The following DPEP2 variants were observed in gnomAD, a reference collection of about 807,000 sequenced individuals.
DPEP2 encodes the protein dipeptidase 2.
A neutral mutation model predicts 51.8 loss-of-function variants in DPEP2; 45 were observed. The observed-to-expected ratio is 0.87, with a 90% CI of 0.68 to 1.11. The LOEUF is 1.11. Among genes scored for constraint, DPEP2 ranks in the 50% most tolerant of loss-of-function variants. The pLI is 0.00. For missense variants in DPEP2, 604 were observed against 631.9 expected (o/e 0.96, Z 0.47); for synonymous variants, 255 against 262.7 (o/e 0.97, Z 0.28).
chr16:67,995,885 AC>A (rs1305377762), intron 1 of DPEP2, among the ~76,000 whole-genome samples: 1 of 152,044 alleles, frequency 6.6e-6, no homozygotes, highest in East Asian at 1.9e-4. Flanking sequence ...AATCGTTTCA[AC>A]CCAGGAGGCA....
intron 1 of DPEP2, chr16:67,994,242 G>A (rs1236283757): frequency 2.2e-5 from 22 of 985,576 alleles, no homozygotes; most frequent in Non-Finnish European, 2.7e-5. Context: ...CAGGTCAGGA[G>A]TAAGGGGCCT....
rs1213300901 is a variant in DPEP2 at position 67,991,679 on chromosome 16, G to GTCACC, written c.662+158_662+159insGGTGA. 2.6e-6 allele frequency: 3 copies of GTCACC among 1,146,772 alleles called. No homozygotes were observed. The highest frequency in any genetic ancestry group is 3.6e-6 in the Non-Finnish European group (3 of 835,934). 71.0% of individuals were successfully genotyped at this position (1,146,772 alleles called of 1,614,324 possible). On this transcript the variant is annotated intron_variant, in intron 5 of 10. Transcript: ENST00000393847. This position sits in a 1 kb window ranked among gnomAD's most constrained non-coding sequence, Gnocchi z 5.1. ...AGGCATGAGCCACCGCGTCTGGCCA[G>GTCACC]GGGTCAAGTCGTATTCTGAAAACCA...
chr16:67,992,200 G>C lies in DPEP2; in HGVS notation c.391-7C>G, dbSNP rs1413180898. 6.8e-6 allele frequency: 11 copies of C among 1,613,404 alleles called. No individual in the cohort carries two copies. Among genetic ancestry groups the C allele is most frequent in the Non-Finnish European group, 9.3e-6 (11 of 1,179,638 alleles). On this transcript the variant is annotated splice_region_variant and splice_polypyrimidine_tract_variant and intron_variant, in intron 3 of 10. Transcript: ENST00000393847. ...GCACATAGGCTGACCAGAACTGGGGGGAAGGCCAGGGTTTGGCTTGGATGG... is the reference window on the plus strand; with the variant it reads ...GCACATAGGCTGACCAGAACTGGGGCGAAGGCCAGGGTTTGGCTTGGATGG...
At chr16:67,993,810 T>A in intron 1 of DPEP2, 2 of 985,692 alleles carry the variant, frequency 2.0e-6, no homozygotes. Flanking sequence ...AATGAGGGGT[T>A]AACCCTGTGG....
At chr16:67,992,389 A>G in intron 3 of DPEP2, 121 bp downstream of exon 3, 2 of 1,483,872 alleles carry the variant, frequency 1.3e-6, no homozygotes, top group Non-Finnish European at 1.8e-6. Context: ...ATATCATGAC[A>G]CTTTTTGGGT....
rs534904631 is a variant in DPEP2 at position 67,988,938 on chromosome 16, A to G, written c.1070+385T>C. Among the ~76,000 whole-genome samples, 9 of 152,034 alleles carry G rather than the reference A, an allele frequency of 5.9e-5. No homozygotes were observed. The East Asian group carries it at 1.6e-3, about 27-fold the overall frequency. ...AAGAAGAAGAAGAAAAGGAAGAAAG[A>G]AGGAGGAGGAGGAGACAAAGAAGAA... On this transcript the variant is annotated intron_variant, in intron 9 of 10. Transcript: ENST00000393847.
In DPEP2 at chr16:67,992,358, C is replaced by T; in HGVS notation, c.390+152G>A. The T allele has an allele frequency of 4.9e-6, 7 of 1,430,202 alleles. No individual in the cohort carries two copies. The South Asian group carries it at 9.4e-5, about 19-fold the overall frequency. 88.6% of individuals were successfully genotyped at this position (1,430,202 alleles called of 1,614,324 possible). ...TGGCCACCAAGCTGGCTCACTGTAG[C>T]CTCTGCAGCCCCCAGCATCCATATC... On this transcript the variant is annotated intron_variant, in intron 3 of 10. Transcript: ENST00000393847.
intron 1 of DPEP2, chr16:67,993,960 C>T: frequency 1.0e-6 from 1 of 985,508 alleles, no homozygotes; most frequent in Non-Finnish European, 1.2e-6. Flanking sequence ...ACCGCACATT[C>T]TCCAATCAGC....
At chr16:67,997,676 A>C (rs951262791) in intron 1 of DPEP2, among the ~76,000 whole-genome samples, 1 of 152,160 alleles carries the variant, frequency 6.6e-6, no homozygotes, top group Non-Finnish European at 1.5e-5. Context: ...AAAATGGAAG[A>C]AATAGGTATG....
intron 1 of DPEP2, chr16:67,994,330 A>C (rs2032535410): frequency 1.0e-6 from 1 of 985,146 alleles, no homozygotes. Context: ...CTCTCACAGA[A>C]ACCTCCAGGG....
chr16:67,997,426 G>C lies in DPEP2; in HGVS notation c.-46+1949C>G, dbSNP rs917657303. ...GGCTGGAGTGCAGTGGCACAATCTC[G>C]GCTCACTGCAAGCTCCGCCTCCCGG... On this transcript the variant is annotated intron_variant, in intron 1 of 10. Transcript: ENST00000393847. Among the ~76,000 whole-genome samples, 12 of 151,702 alleles carry C rather than the reference G, an allele frequency of 7.9e-5. 1 individual carries two copies. Among genetic ancestry groups the C allele is most frequent in the Middle Eastern group, 6.3e-3 (2 of 316 alleles).
intron 1 of DPEP2, among the ~76,000 whole-genome samples, chr16:67,998,081 G>A (rs923295514): frequency 2.0e-5 from 3 of 152,024 alleles, no homozygotes; most frequent in Admixed American, 1.3e-4. Context: ...GCTCGCTCTC[G>A]GGGCCTCCTC....
Position 67,987,565 on chromosome 16 carries a change from G to A in DPEP2, c.1402C>T (p.His468Tyr), listed in dbSNP as rs1133090. ...ACAACTGCAAGGACTGGGGCCATGTGGGGGGAGGACTCTGAGACTGACCAC... is the reference window on the plus strand; with the variant it reads ...ACAACTGCAAGGACTGGGGCCATGTAGGGGGAGGACTCTGAGACTGACCAC... ...AKWSVSESSPHMAPVLAVVAT... is the reference protein window; with the variant it reads ...AKWSVSESSPYMAPVLAVVAT... Residue 468 changes from histidine to tyrosine, a missense_variant, in exon 11 of 11, where the codon CAC (histidine) becomes TAC (tyrosine). Coordinates refer to ENST00000393847, the MANE Select transcript of DPEP2 (RefSeq NM_022355.4). 1.8e-4 allele frequency: 290 copies of A among 1,614,100 alleles called. 3 individuals are homozygous for A. The highest frequency in any genetic ancestry group is 1.7e-3 in the South Asian group (151 of 91,088).
Position 67,987,948 on chromosome 16 carries a change from G to A in DPEP2, c.1110C>T (p.Val370=), listed in dbSNP as rs1186523287. The A allele has an allele frequency of 6.2e-7, 1 of 1,614,104 alleles. No individual in the cohort carries two copies. The highest frequency in any genetic ancestry group is 1.1e-5 in the South Asian group (1 of 91,080). The change falls in exon 10 of 11, where the codon GTC becomes GTT. Residue 370 remains valine (V), a synonymous_variant. Transcript: ENST00000393847. ...CACGACTCAGCAACTCCTCTATCAG[G>A]ACCGGGTATGTGGACACGTCTTCCA... ...QGLEDVSTYP[V]LIEELLSRGW...
At position 67,991,637 on chromosome 16, in the gene DPEP2, C is replaced by T. The variant is rs570821372; in HGVS notation, c.662+201G>A. 1.3e-6 allele frequency: 1 copy of T among 762,748 alleles called. No individual in the cohort carries two copies. The highest frequency in any genetic ancestry group is 1.8e-5 in the African/African-American group (1 of 57,126). 47.2% of individuals were successfully genotyped at this position (762,748 alleles called of 1,614,324 possible). A position where few individuals can be genotyped will look rare whatever the true frequency, so the allele number is the denominator to read the frequency against. On this transcript the variant is annotated intron_variant, in intron 5 of 10. Coordinates refer to ENST00000393847, the MANE Select transcript of DPEP2 (RefSeq NM_022355.4). The surrounding 1 kb of genome is among the most constrained non-coding windows in gnomAD (Gnocchi z 5.1). Reference sequence around the variant, plus strand: ...AAGTTATCTGTCCGCCTCAGCCTCCCAAAGTTTTGGGATTACAGGCATGAG... The same window carrying T: ...AAGTTATCTGTCCGCCTCAGCCTCCTAAAGTTTTGGGATTACAGGCATGAG...
At chr16:67,992,879 G>A in intron 2 of DPEP2, 71 bp downstream of exon 2, 1 of 1,534,784 alleles carries the variant, frequency 6.5e-7, no homozygotes. Flanking sequence ...CCACAGCCCT[G>A]CATACTCTGG....
Position 67,993,019 on chromosome 16 carries a change from C to A in DPEP2, c.194G>T (p.Ser65Ile). ...PGTYAPSTTL[S>I]SPSTQGLQEQ... ...TTGCAGGCCCTGGGTGCTGGGACTA[C>A]TGAGTGTGGTCGAGGGAGCGTAGGT... The change falls in exon 2 of 11, where the codon AGT (serine) becomes ATT (isoleucine). Residue 65 changes from serine (S) to isoleucine (I), a missense_variant. Transcript: ENST00000393847. 6.2e-7 allele frequency: 1 copy of A among 1,603,362 alleles called. No homozygotes were observed. The highest frequency in any genetic ancestry group is 2.3e-5 in the East Asian group (1 of 44,400).
At chr16:67,993,963 C>T (rs2032500668) in intron 1 of DPEP2, 2 of 985,590 alleles carry the variant, frequency 2.0e-6, no homozygotes, top group Non-Finnish European at 2.4e-6. Flanking sequence ...GCACATTCTC[C>T]AATCAGCCTT....
chr16:67,992,335 G>C (rs1459455454), intron 3 of DPEP2, 142 bp from the exon 4 acceptor site: 1 of 1,430,702 alleles, frequency 7.0e-7, no homozygotes, highest in Non-Finnish European at 9.4e-7. Flanking sequence ...GGTCTTCCTG[G>C]CCACCAAGCT....
Sources: allele counts gnomAD v4.1 joint callset (sites outside exome capture counted in the v4.1 genomes callset), GRCh38; gene constraint gnomAD v4.1.1; non-coding constraint Gnocchi (gnomAD v3.1); transcripts MANE v1.5; gene names NCBI Gene and HGNC (gene_info 2026-07-23, HGNC 2026-07-21).